Variants in STK3 observed in about 807,000 individuals in gnomAD.
STK3 encodes the protein serine/threonine-protein kinase 3.
A neutral mutation model predicts 58.0 loss-of-function variants in STK3; 41 were observed. The ratio of observed to expected loss-of-function variants is 0.71; its 90% CI spans 0.55 to 0.92. STK3 has a LOEUF of 0.92. Ranked by LOEUF, STK3 falls within the 40% of genes least tolerant of loss-of-function variation. STK3 has a pLI of 0.00. For missense variants in STK3, 479 were observed against 602.7 expected (o/e 0.79, Z 2.15); for synonymous variants, 170 against 191.0 (o/e 0.89, Z 0.91).
At chr8:98,798,840 C>T (rs1025443237) in intron 1 of STK3, among the ~76,000 whole-genome samples, 1 of 152,188 alleles carries the variant, frequency 6.6e-6, no homozygotes, top group Non-Finnish European at 1.5e-5. Flanking sequence ...GTAATTAGGT[C>T]ATGAGGGCTC....
intron 1 of STK3, among the ~76,000 whole-genome samples, chr8:98,903,861 A>AC (rs1218712846): frequency 6.6e-6 from 1 of 152,056 alleles, no homozygotes; most frequent in Non-Finnish European, 1.5e-5. Context: ...ACACAGGAAA[A>AC]CCCTGATACC....
At chr8:98,647,604 G>T (rs2130663314) in intron 6 of STK3, among the ~76,000 whole-genome samples, 1 of 152,274 alleles carries the variant, frequency 6.6e-6, no homozygotes, top group Non-Finnish European at 1.5e-5. Context: ...GGACTGCAGT[G>T]GCACGATCTC....
the STK3 span, among the ~76,000 whole-genome samples, chr8:98,358,000 C>A: frequency 4.6e-5 from 7 of 152,292 alleles, no homozygotes; most frequent in East Asian, 7.7e-4. Flanking sequence ...CATCAACAGA[C>A]CCCCTTCAAT....
intron 10 of STK3, among the ~76,000 whole-genome samples, chr8:98,498,369 C>G (rs1042859804): frequency 2.0e-5 from 3 of 152,044 alleles, no homozygotes; most frequent in Non-Finnish European, 2.9e-5. Flanking sequence ...GAAGCTAGTT[C>G]CTGTGTTCCA....
intron 4 of STK3, among the ~76,000 whole-genome samples, chr8:98,719,771 G>A (rs866515590): frequency 7.2e-5 from 11 of 152,138 alleles, no homozygotes; most frequent in African/African-American, 2.4e-4. Context: ...GGATATACAC[G>A]GACAGGGAAA....
chr8:98,409,548 T>C (rs902477313), intron 3 of STK3, among the ~76,000 whole-genome samples: 2 of 152,236 alleles, frequency 1.3e-5, no homozygotes, highest in Non-Finnish European at 2.9e-5. Flanking sequence ...GTTCCACAGA[T>C]GGGCTATCAG....
intron 6 of STK3, among the ~76,000 whole-genome samples, chr8:98,613,636 C>A (rs1301565343): frequency 2.7e-5 from 4 of 150,892 alleles, no homozygotes; most frequent in Non-Finnish European, 1.5e-5. Context: ...TCAAGTAACC[C>A]ACAGGAAGTA....
chr8:98,797,650 T>A (rs183155014), intron 1 of STK3, among the ~76,000 whole-genome samples: 38 of 152,326 alleles, frequency 2.5e-4, no homozygotes, highest in Admixed American at 5.2e-4. Context: ...CTCATCAAAC[T>A]GCACACTTAG....
intron 10 of STK3, among the ~76,000 whole-genome samples, chr8:98,471,883 G>C (rs1031137175): frequency 1.3e-5 from 2 of 152,148 alleles, no homozygotes; most frequent in African/African-American, 4.8e-5. Flanking sequence ...CATGGGTGTA[G>C]CTACTTAAAT....
At chr8:98,857,992 G>T (rs1439989538) in intron 3 of STK3, among the ~76,000 whole-genome samples, 2 of 151,984 alleles carry the variant, frequency 1.3e-5, no homozygotes, top group South Asian at 4.1e-4. Flanking sequence ...AATTTTGATA[G>T]GCTCACTTTT....
intron 1 of STK3, among the ~76,000 whole-genome samples, chr8:98,926,425 T>G (rs1839799420): frequency 6.6e-6 from 1 of 152,202 alleles, no homozygotes; most frequent in Non-Finnish European, 1.5e-5. Flanking sequence ...ACGGAACTTT[T>G]CATTCTACCC....
At chr8:98,920,209 C>T (rs893685197) in intron 1 of STK3, among the ~76,000 whole-genome samples, 1 of 152,186 alleles carries the variant, frequency 6.6e-6, no homozygotes, top group African/African-American at 2.4e-5. Context: ...GCTTAAGAAA[C>T]TTCCATATGT....
intron 6 of STK3, among the ~76,000 whole-genome samples, chr8:98,652,105 G>A (rs1820994009): frequency 6.6e-6 from 1 of 152,124 alleles, no homozygotes; most frequent in South Asian, 2.1e-4. Flanking sequence ...ACCCACAAAG[G>A]GAAGCCCCTC....
chr8:98,874,539 A>G (rs1171861598), intron 3 of STK3, among the ~76,000 whole-genome samples: 3 of 152,090 alleles, frequency 2.0e-5, no homozygotes, highest in African/African-American at 7.2e-5. Flanking sequence ...GTCTTGTTTC[A>G]TTGTTTCCTT....
At chr8:98,924,130 G>A (rs187688111) in intron 1 of STK3, among the ~76,000 whole-genome samples, 59 of 152,290 alleles carry the variant, frequency 3.9e-4, no homozygotes, top group African/African-American at 1.3e-3. Context: ...CAAAGATTCC[G>A]TTTTTGTCCC....
chr8:98,471,970 A>G (rs539885351), intron 10 of STK3, among the ~76,000 whole-genome samples: 2 of 152,214 alleles, frequency 1.3e-5, no homozygotes, highest in Non-Finnish European at 2.9e-5. Flanking sequence ...GTATTCTTAT[A>G]TAGAGAGATT....
At chr8:98,533,314 GC>G (rs1177190219) in intron 9 of STK3, among the ~76,000 whole-genome samples, 1 of 152,018 alleles carries the variant, frequency 6.6e-6, no homozygotes, top group Non-Finnish European at 1.5e-5. Context: ...CTATCCAGAG[GC>G]CTTTTTTGCT....
chr8:98,440,912 G>T (rs188129087), intron 1 of STK3, among the ~76,000 whole-genome samples: 1 of 152,274 alleles, frequency 6.6e-6, no homozygotes, highest in Non-Finnish European at 1.5e-5. Context: ...GAAAGTGCCA[G>T]GTACAGAGCC....
chr8:98,760,952 T>C (rs1437257409), intron 3 of STK3, among the ~76,000 whole-genome samples: 9 of 152,078 alleles, frequency 5.9e-5, no homozygotes, highest in African/African-American at 2.4e-5. Context: ...ACACTATGCA[T>C]GATACAAATT....
Sources: gnomAD v4.1 joint callset for allele counts (sites outside exome capture counted in the v4.1 genomes callset) on GRCh38, gnomAD v4.1.1 for gene constraint, MANE v1.5 for transcripts, NCBI Gene and HGNC (gene_info 2026-07-23, HGNC 2026-07-21) for gene names.